The following ELP4 variants were observed in gnomAD, a reference collection of about 807,000 sequenced individuals.
ELP4 encodes the protein elongator acetyltransferase complex subunit 4, also known as elongator complex protein 4.
Under a neutral mutation model 48.9 loss-of-function variants are expected in ELP4, and 51 were observed. The observed-to-expected ratio is 1.04, with a 90% CI of 0.83 to 1.32. ELP4 has a LOEUF of 1.32. Ranked by LOEUF, ELP4 falls within the 40% of genes most tolerant of loss-of-function variation. The pLI is 0.00. For missense variants in ELP4, 519 were observed against 514.6 expected, an observed-to-expected ratio of 1.01 and a Z score of -0.08; for synonymous variants, 210 against 189.2, an observed-to-expected ratio of 1.11 and a Z score of -0.90.
At chr11:31,515,056 T>C (rs1340723483) in intron 1 of ELP4, among the ~76,000 whole-genome samples, 1 of 149,244 alleles carries the variant, frequency 6.7e-6, no homozygotes, top group African/African-American at 2.5e-5. Context: ...TATATATATA[T>C]GTATAGGTCC....
chr11:31,694,650 T>C (rs950060474), intron 9 of ELP4, among the ~76,000 whole-genome samples: 4 of 152,212 alleles, frequency 2.6e-5, no homozygotes, highest in African/African-American at 9.6e-5. Context: ...ATGCGGGCTC[T>C]TTTTTGGTTC....
intron 1 of ELP4, among the ~76,000 whole-genome samples, chr11:31,513,599 T>G (rs1956050490): frequency 6.6e-6 from 1 of 152,182 alleles, no homozygotes; most frequent in Non-Finnish European, 1.5e-5. Context: ...CCCTTTTACT[T>G]TCTCTAACAT....
intron 4 of ELP4, among the ~76,000 whole-genome samples, chr11:31,603,541 A>G (rs1200537521): frequency 6.6e-6 from 1 of 151,878 alleles, no homozygotes; most frequent in Non-Finnish European, 1.5e-5. Context: ...GAGAACCACT[A>G]GAAGTGAAGA....
chr11:31,785,202 G>A lies in ELP4; in HGVS notation c.*1678G>A, dbSNP rs1948518360. 5.4e-6 allele frequency: 1 copy of A among 183,580 alleles called. No homozygotes were observed. Among genetic ancestry groups the A allele is most frequent in the South Asian group, 2.0e-4 (1 of 5,110 alleles). The allele number at this position is 183,580 out of a possible 1,614,324, so 11.4% of individuals were successfully genotyped here. A position where few individuals can be genotyped will look rare whatever the true frequency, so the allele number is the denominator to read the frequency against. On this transcript the variant is annotated 3_prime_UTR_variant, in exon 10 of 10. Transcript: ENST00000640961. ...GGATACTCCACAAAAGCTCTGCTAT[G>A]TCCTTTGAAAGCATTATGAACATTC...
intron 9 of ELP4, among the ~76,000 whole-genome samples, chr11:31,722,051 T>C (rs1187426533): frequency 6.6e-6 from 1 of 152,198 alleles, no homozygotes; most frequent in Admixed American, 6.5e-5. Context: ...AAATACTGAT[T>C]GATATTTTGG....
intron 3 of ELP4, among the ~76,000 whole-genome samples, chr11:31,588,105 G>A (rs1013447913): frequency 6.6e-6 from 1 of 151,750 alleles, no homozygotes; most frequent in Non-Finnish European, 1.5e-5. Flanking sequence ...CTATCATATT[G>A]TTTATGTTAT....
intron 1 of ELP4, 46 bp downstream of exon 1, chr11:31,510,053 G>A (rs1281685705): frequency 1.3e-6 from 2 of 1,572,264 alleles, no homozygotes; most frequent in South Asian, 1.1e-5. Context: ...GGAAACTTAG[G>A]GAGGGGACCT....
At chr11:31,733,733 A>C (rs1264076405) in intron 9 of ELP4, among the ~76,000 whole-genome samples, 2 of 152,188 alleles carry the variant, frequency 1.3e-5, no homozygotes, top group Admixed American at 6.5e-5. Flanking sequence ...AAAATCTTCC[A>C]ACAAAGAAAA....
chr11:31,612,373 T>C (rs1957998577), intron 5 of ELP4, among the ~76,000 whole-genome samples: 1 of 152,132 alleles, frequency 6.6e-6, no homozygotes, highest in African/African-American at 2.4e-5. Context: ...AAAAGGGTTA[T>C]TTCATAGACC....
chr11:31,533,368 C>CTT lies in ELP4; in HGVS notation c.260-6268_260-6267dup, dbSNP rs71060492. ...GTGTTGCTGCAAAAGCCATCTCATTCTTTTTTTTTTTTTTTTTTTTTTTTT... is the reference window on the plus strand; with the variant it reads ...GTGTTGCTGCAAAAGCCATCTCATTCTTTTTTTTTTTTTTTTTTTTTTTTTTT... On this transcript the variant is annotated intron_variant, in intron 2 of 9. Coordinates refer to ENST00000640961, the MANE Select transcript of ELP4 (RefSeq NM_019040.5). 3.9e-3 allele frequency among the ~76,000 whole-genome samples: 199 copies of CTT among 50,460 alleles called. 39 individuals carry two copies. Among genetic ancestry groups the CTT allele is most frequent in the African/African-American group, 0.015 (177 of 11,886 alleles). The allele number at this position is 50,460 out of a possible 152,430, so 33.1% of individuals were successfully genotyped here.
intron 9 of ELP4, chr11:31,714,971 GT>G (rs1320980934): frequency 2.5e-6 from 1 of 395,670 alleles, no homozygotes; most frequent in African/African-American, 2.1e-5. Flanking sequence ...CACATTACAG[GT>G]TCCAAAGACT....
intron 9 of ELP4, among the ~76,000 whole-genome samples, chr11:31,728,927 T>G (rs116919335): frequency 8.5e-5 from 13 of 152,158 alleles, no homozygotes; most frequent in Non-Finnish European, 1.6e-4. Context: ...ACCATGAATC[T>G]TAGGAAGGCA....
At chr11:31,774,909 A>C (rs546066842) in intron 9 of ELP4, among the ~76,000 whole-genome samples, 1 of 152,336 alleles carries the variant, frequency 6.6e-6, no homozygotes, top group South Asian at 2.1e-4. Context: ...TAGATGACCT[A>C]GTACTCTTCT....
Position 31,708,499 on chromosome 11 carries a change from T to C in ELP4, c.1143+58278T>C, listed in dbSNP as rs984845856. On this transcript the variant is annotated intron_variant, in intron 9 of 9. Transcript: ENST00000640961. ...CACCTCATTCCCTGGCCTAAGGACCTTTTTTTTAAAGGATCTTTTATTTAA... is the reference window on the plus strand; with the variant it reads ...CACCTCATTCCCTGGCCTAAGGACCCTTTTTTTAAAGGATCTTTTATTTAA... 3.9e-5 allele frequency among the ~76,000 whole-genome samples: 6 copies of C among 151,930 alleles called. No individual in the cohort carries two copies. In the East Asian group the frequency reaches 1.2e-3, roughly 29 times the overall value.
rs71060492 is a variant in ELP4, at chr11:31,533,368, C to CTTTTTTTTTT, written c.260-6276_260-6267dup. Among the ~76,000 whole-genome samples the CTTTTTTTTTT allele has an allele frequency of 1.6e-3, 82 of 50,476 alleles. 19 individuals are homozygous for CTTTTTTTTTT. Among genetic ancestry groups the CTTTTTTTTTT allele is most frequent in the African/African-American group, 3.9e-3 (47 of 11,900 alleles). 33.1% of individuals were successfully genotyped at this position (50,476 alleles called of 152,430 possible). On this transcript the variant is annotated intron_variant, in intron 2 of 9. Transcript: ENST00000640961. ...GTGTTGCTGCAAAAGCCATCTCATT[C>CTTTTTTTTTT]TTTTTTTTTTTTTTTTTTTTTTTTT...
chr11:31,679,765 G>A (rs371560352), intron 9 of ELP4, among the ~76,000 whole-genome samples: 8 of 152,258 alleles, frequency 5.3e-5, no homozygotes, highest in African/African-American at 1.9e-4. Flanking sequence ...GCTATTATGG[G>A]TCTTTTGCCT....
At chr11:31,655,137 A>G (rs546518677) in intron 9 of ELP4, among the ~76,000 whole-genome samples, 4 of 152,122 alleles carry the variant, frequency 2.6e-5, no homozygotes, top group Non-Finnish European at 4.4e-5. Context: ...ACATTTTGAT[A>G]TATTCATTAT....
chr11:31,581,158 A>G (rs1957385387), intron 3 of ELP4, among the ~76,000 whole-genome samples: 1 of 152,212 alleles, frequency 6.6e-6, no homozygotes, highest in African/African-American at 2.4e-5. Flanking sequence ...GAAATCGTCC[A>G]TACTCCAACT....
In ELP4 at chr11:31,539,695, T is replaced by A; in HGVS notation, c.293T>A (p.Leu98His). 6.2e-7 allele frequency: 1 copy of A among 1,609,966 alleles called. No homozygotes were observed. Among genetic ancestry groups the A allele is most frequent in the Non-Finnish European group, 8.5e-7 (1 of 1,177,980 alleles). ...AAATATAATATTTACTCACCTTTGC[T>A]CTTCAAGTATTTCCTGGCAGAAGGA... ...EDKYNIYSPL[L>H]FKYFLAEGIV... The change falls in exon 3 of 10, where the codon CTC (leucine) becomes CAC (histidine). Residue 98 changes from leucine (L) to histidine (H), a missense_variant. Physicochemically the swap from Leu to His is moderately conservative, Grantham distance 99 (BLOSUM62 -3). Transcript: ENST00000640961.
Sources: allele counts gnomAD v4.1 joint callset (sites outside exome capture counted in the v4.1 genomes callset), GRCh38; gene constraint gnomAD v4.1.1; transcripts MANE v1.5; gene names NCBI Gene and HGNC (gene_info 2026-07-23, HGNC 2026-07-21).